Variants in ZBTB7C observed in about 807,000 individuals in gnomAD.
ZBTB7C encodes zinc finger and BTB domain-containing protein 7C.
Under a neutral mutation model 25.7 loss-of-function variants are expected in ZBTB7C, and 8 were observed. That is an observed-to-expected ratio of 0.31 (90% CI 0.18 to 0.56). ZBTB7C has a LOEUF of 0.56. ZBTB7C is among the 20% of genes least tolerant of loss of function. The probability of loss-of-function intolerance (pLI) is 0.91; values close to 1 mark genes in which losing one functional copy is unlikely to be tolerated. For synonymous variants in ZBTB7C, 394 were observed against 369.0 expected, an observed-to-expected ratio of 1.07 and a Z score of -0.78; for missense variants, 824 against 855.2, an observed-to-expected ratio of 0.96 and a Z score of 0.46.
chr18:48,342,703 C>G (rs1032960679), intron 1 of ZBTB7C, among the ~76,000 whole-genome samples: 4 of 152,088 alleles, frequency 2.6e-5, no homozygotes, highest in African/African-American at 9.7e-5. Context: ...TTAAAAATAG[C>G]CTTGCTGTGG....
chr18:48,221,610 C>T (rs2042960011), intron 2 of ZBTB7C, among the ~76,000 whole-genome samples: 1 of 151,450 alleles, frequency 6.6e-6, no homozygotes, highest in African/African-American at 2.4e-5. Flanking sequence ...TCTATACTGT[C>T]CCAGTCTCCT....
chr18:48,094,703 T>C (rs1385623082), intron 3 of ZBTB7C, among the ~76,000 whole-genome samples: 1 of 152,216 alleles, frequency 6.6e-6, no homozygotes, highest in Non-Finnish European at 1.5e-5. Context: ...TTCTGGTTAC[T>C]TGGGGTACAC....
chr18:48,329,515 G>A (rs1411628043), intron 2 of ZBTB7C, among the ~76,000 whole-genome samples: 5 of 152,212 alleles, frequency 3.3e-5, no homozygotes, highest in African/African-American at 1.2e-4. Context: ...TACAACCCAA[G>A]CCAGTCCAGA....
At chr18:48,365,158 TC>T (rs530424987) in intron 1 of ZBTB7C, among the ~76,000 whole-genome samples, 60 of 152,366 alleles carry the variant, frequency 3.9e-4, no homozygotes, top group African/African-American at 1.4e-3. Context: ...GTTTAATCCA[TC>T]CCCACCATTT....
intron 1 of ZBTB7C, among the ~76,000 whole-genome samples, chr18:48,394,979 T>A (rs151268079): frequency 6.6e-6 from 1 of 152,084 alleles, no homozygotes; most frequent in Non-Finnish European, 1.5e-5. Flanking sequence ...CTGACAGGAA[T>A]TGGAATTTTG....
At position 48,220,512 on chromosome 18, in the gene ZBTB7C, A is replaced by G. The variant is rs184259743; in HGVS notation, c.-78-34517T>C. ...GGGGCAGGGATGTAACTTAGAATCA[A>G]ACTTGCCAAGGCCACAGACCATGGA... On this transcript the variant is annotated intron_variant, in intron 2 of 4. Coordinates refer to ENST00000590800, the MANE Select transcript of ZBTB7C (RefSeq NM_001318841.2). Among the ~76,000 whole-genome samples, 211 of 152,240 alleles carry G rather than the reference A, an allele frequency of 1.4e-3. 2 individuals are homozygous for G. The highest frequency in any genetic ancestry group is 4.8e-3 in the African/African-American group (200 of 41,526).
chr18:48,311,200 T>A (rs2045809791), intron 2 of ZBTB7C, among the ~76,000 whole-genome samples: 1 of 152,186 alleles, frequency 6.6e-6, no homozygotes, highest in Non-Finnish European at 1.5e-5. Context: ...AGTAGATGTC[T>A]GTTCTCTTGT....
intron 2 of ZBTB7C, among the ~76,000 whole-genome samples, chr18:48,294,659 C>A (rs1414605806): frequency 6.6e-6 from 1 of 151,448 alleles, no homozygotes; most frequent in East Asian, 2.0e-4. Flanking sequence ...CTGCTGTTGA[C>A]CTGCCCCCCA....
chr18:48,389,461 ATTT>A (rs138527928), intron 1 of ZBTB7C, among the ~76,000 whole-genome samples: 21,082 of 97,542 alleles, frequency 0.22, 2,060 homozygotes, highest in African/African-American at 0.34. Context: ...TGACTCTTGG[ATTT>A]TTTTTTTTTT....
intron 2 of ZBTB7C, among the ~76,000 whole-genome samples, chr18:48,194,959 G>A (rs145386518): frequency 2.6e-5 from 4 of 152,032 alleles, no homozygotes; most frequent in Non-Finnish European, 5.9e-5. Context: ...TCCCAATTTT[G>A]CCAGCTCTGG....
chr18:48,391,409 A>C (rs1230965433), intron 1 of ZBTB7C, among the ~76,000 whole-genome samples: 1 of 152,240 alleles, frequency 6.6e-6, no homozygotes, highest in East Asian at 1.9e-4. Flanking sequence ...TGGCAGAGCC[A>C]GGGTTGAAAG....
intron 1 of ZBTB7C, chr18:48,375,497 G>A (rs1354553208): frequency 1.3e-5 from 2 of 152,248 alleles, no homozygotes; most frequent in African/African-American, 2.4e-5. Flanking sequence ...CTCCTCAAGC[G>A]AAGAGAGCCT....
At chr18:48,116,034 C>T (rs149782601) in intron 3 of ZBTB7C, among the ~76,000 whole-genome samples, 51 of 152,092 alleles carry the variant, frequency 3.4e-4, no homozygotes, top group Non-Finnish European at 5.7e-4. Flanking sequence ...CCTATATATA[C>T]ATGCTACAGA....
intron 2 of ZBTB7C, among the ~76,000 whole-genome samples, chr18:48,333,795 A>T (rs1271714720): frequency 6.6e-6 from 1 of 152,172 alleles, no homozygotes; most frequent in Non-Finnish European, 1.5e-5. Context: ...AACACGAGTG[A>T]CCCAAATACC....
chr18:48,234,127 T>C (rs1335778299), intron 2 of ZBTB7C, among the ~76,000 whole-genome samples: 1 of 151,864 alleles, frequency 6.6e-6, no homozygotes, highest in African/African-American at 2.4e-5. Flanking sequence ...CTCAATCCTA[T>C]GTGACCCTCA....
intron 2 of ZBTB7C, among the ~76,000 whole-genome samples, chr18:48,316,414 G>A (rs898965029): frequency 6.6e-6 from 1 of 152,188 alleles, no homozygotes; most frequent in African/African-American, 2.4e-5. Context: ...TAGCAGGAAG[G>A]CCGCTGCAGC....
At chr18:48,261,355 C>A in intron 2 of ZBTB7C, among the ~76,000 whole-genome samples, 1 of 152,000 alleles carries the variant, frequency 6.6e-6, no homozygotes, top group Non-Finnish European at 1.5e-5. Flanking sequence ...GGCAGATAGA[C>A]TAGAGCTGGA....
intron 2 of ZBTB7C, among the ~76,000 whole-genome samples, chr18:48,324,077 G>C (rs1222783000): frequency 6.6e-6 from 1 of 152,196 alleles, no homozygotes; most frequent in African/African-American, 2.4e-5. Context: ...GTCCTCACCA[G>C]ACACCAAATC....
At chr18:48,195,730 A>G (rs944893780) in intron 2 of ZBTB7C, among the ~76,000 whole-genome samples, 1 of 152,086 alleles carries the variant, frequency 6.6e-6, no homozygotes, top group Non-Finnish European at 1.5e-5. Context: ...GATTTTTTTG[A>G]TATTTCCCCA....
Sources: allele counts gnomAD v4.1 joint callset (sites outside exome capture counted in the v4.1 genomes callset), GRCh38; gene constraint gnomAD v4.1.1; transcripts MANE v1.5; gene names NCBI Gene and HGNC (gene_info 2026-07-23, HGNC 2026-07-21).